Variants in SLC7A6 observed in about 807,000 individuals in gnomAD.
The protein encoded by SLC7A6 is Y+L amino acid transporter 2.
In SLC7A6, 29 loss-of-function variants were observed where a neutral mutation model predicts 46.6. The ratio of observed to expected loss-of-function variants is 0.62; its 90% confidence interval spans 0.46 to 0.85. The LOEUF (loss-of-function observed/expected upper bound fraction) is 0.85, where lower values mean the gene tolerates loss of function less well. SLC7A6 is among the 40% of genes least tolerant of loss of function. The pLI is 0.00. For synonymous variants in SLC7A6, 276 were observed against 257.3 expected, an observed-to-expected ratio of 1.07 and a Z score of -0.70; for missense variants, 527 against 647.6, an observed-to-expected ratio of 0.81 and a Z score of 2.02.
chr16:68,299,512 A>G lies in SLC7A6; in HGVS notation c.*2184A>G, dbSNP rs2043232556. The G allele has an allele frequency of 6.6e-6, 1 of 152,582 alleles. No homozygotes were observed. The allele number at this position is 152,582 out of a possible 1,614,324, so 9.5% of individuals were successfully genotyped here. A position where few individuals can be genotyped will look rare whatever the true frequency, so the allele number is the denominator to read the frequency against. ...TACAGCACTCAAGCTTCATGGTGGA[A>G]TTAATTTCTGCCAGCTCTTTGTTGT... On this transcript the variant is annotated 3_prime_UTR_variant, in exon 11 of 11. Coordinates refer to ENST00000219343, the MANE Select transcript of SLC7A6 (RefSeq NM_003983.6).
intron 3 of SLC7A6, among the ~76,000 whole-genome samples, chr16:68,280,866 T>C (rs1362450650): frequency 1.3e-5 from 2 of 152,198 alleles, no homozygotes; most frequent in African/African-American, 4.8e-5. Flanking sequence ...TCCTGAGTGC[T>C]GGGACAACAG....
In SLC7A6 at chr16:68,300,849, T is replaced by C. The variant is rs2043257925; in HGVS notation, c.*3521T>C. ...ACCCACTGGTACCCCTTTTAGATTCTATCAAAAGGAACAGGGTTTTCCTAG... is the reference window on the plus strand; with the variant it reads ...ACCCACTGGTACCCCTTTTAGATTCCATCAAAAGGAACAGGGTTTTCCTAG... On this transcript the variant is annotated 3_prime_UTR_variant, in exon 11 of 11. Coordinates refer to ENST00000219343, the MANE Select transcript of SLC7A6 (RefSeq NM_003983.6). 1.0e-6 allele frequency: 1 copy of C among 987,432 alleles called. No individual in the cohort carries two copies. 61.2% of individuals were successfully genotyped at this position (987,432 alleles called of 1,614,324 possible).
rs1412637207 is a variant in SLC7A6 at position 68,274,849 on chromosome 16, G to A, written c.123G>A (p.Leu41=). The change falls in exon 3 of 11, where the codon CTG becomes CTA. Residue 41 remains leucine, a synonymous_variant. Transcript: ENST00000219343. ...PPQRSSETMQ[L]KKEISLLNGV... ...AAAGGTCCTCCGAAACTATGCAGCT[G>A]AAGAAGGAGATCTCCCTGCTGAATG... 6.2e-7 allele frequency: 1 copy of A among 1,614,224 alleles called. No homozygotes were observed. The highest frequency in any genetic ancestry group is 8.5e-7 in the Non-Finnish European group (1 of 1,180,034).
intron 5 of SLC7A6, chr16:68,290,814 G>A: frequency 2.0e-6 from 1 of 508,330 alleles, no homozygotes; most frequent in Non-Finnish European, 3.6e-6. Context: ...CTGGGGCAAA[G>A]GAATTAGGAC....
chr16:68,290,729 CCT>C (rs1190815995), intron 5 of SLC7A6, 189 bp downstream of exon 5: 2 of 681,894 alleles, frequency 2.9e-6, no homozygotes, highest in African/African-American at 1.8e-5. Context: ...CCTTCGGCTC[CCT>C]GTCCTCACGT....
intron 4 of SLC7A6, among the ~76,000 whole-genome samples, chr16:68,288,133 A>C (rs55869815): frequency 0.02 from 3,023 of 152,266 alleles, 37 homozygotes; most frequent in Non-Finnish European, 0.031. Flanking sequence ...CCAAGGGCCT[A>C]GGAGCTCCTG....
At chr16:68,294,562 A>C in intron 7 of SLC7A6, 143 bp from the exon 8 acceptor site, 1 of 663,288 alleles carries the variant, frequency 1.5e-6, no homozygotes, top group South Asian at 1.7e-5. Flanking sequence ...TGGACTGGTG[A>C]TGCACTAAGG....
rs923159032 is a variant in SLC7A6 at position 68,275,702 on chromosome 16, T to G, written c.523+453T>G. Among the ~76,000 whole-genome samples the G allele has an allele frequency of 2.2e-4, 34 of 152,048 alleles. 1 individual carries two copies. The highest frequency in any genetic ancestry group is 7.2e-4 in the African/African-American group (30 of 41,392). On this transcript the variant is annotated intron_variant, in intron 3 of 10. Coordinates refer to ENST00000219343, the MANE Select transcript of SLC7A6 (RefSeq NM_003983.6). Reference sequence around the variant, plus strand: ...TTTGAGGAAGTAATTTTACCAGTCATTTGGTCCTGAGAGATAAGTAAGCAT... The same window carrying G: ...TTTGAGGAAGTAATTTTACCAGTCAGTTGGTCCTGAGAGATAAGTAAGCAT...
Position 68,274,751 on chromosome 16 carries a change from C to T in SLC7A6, c.25C>T (p.Pro9Ser). Residue 9 changes from proline to serine, a missense_variant, in exon 3 of 11, where the codon CCC (proline) becomes TCC (serine). Physicochemically the swap from Pro to Ser is moderately conservative, Grantham distance 74. Transcript: ENST00000219343. Reference protein sequence around the residue: MEAREPGRPTPTYHLVPNT... With the variant: MEAREPGRSTPTYHLVPNT... ...CATGGAAGCCAGGGAGCCTGGGAGGCCCACACCCACCTACCATCTTGTCCC... is the reference window on the plus strand; with the variant it reads ...CATGGAAGCCAGGGAGCCTGGGAGGTCCACACCCACCTACCATCTTGTCCC... The T allele has an allele frequency of 6.2e-7, 1 of 1,614,122 alleles. No homozygotes were observed. The highest frequency in any genetic ancestry group is 8.5e-7 in the Non-Finnish European group (1 of 1,180,006).
intron 2 of SLC7A6, among the ~76,000 whole-genome samples, chr16:68,267,609 G>T (rs571343009): frequency 1.3e-5 from 2 of 152,262 alleles, no homozygotes; most frequent in East Asian, 3.9e-4. Context: ...AGATTTTGAT[G>T]TATTTCTCTG....
chr16:68,292,014 TC>T (rs141786240), intron 7 of SLC7A6: 5,570 of 240,506 alleles, frequency 0.023, 241 homozygotes, highest in African/African-American at 0.093. Context: ...AGCTCATGTT[TC>T]CATCTGAGAT....
chr16:68,274,526 C>T (rs1380748549), intron 2 of SLC7A6, among the ~76,000 whole-genome samples, 165 bp from the exon 3 acceptor site: 1 of 152,224 alleles, frequency 6.6e-6, no homozygotes, highest in African/African-American at 2.4e-5. Flanking sequence ...GGTCTACCCA[C>T]TTCTATTTCC....
At position 68,300,456 on chromosome 16, in the gene SLC7A6, G is replaced by C. The variant is rs1156678433; in HGVS notation, c.*3128G>C. The C allele has an allele frequency of 4.6e-6, 1 of 219,480 alleles. No homozygotes were observed. The highest frequency in any genetic ancestry group is 7.7e-6 in the Non-Finnish European group (1 of 129,828). 13.6% of individuals were successfully genotyped at this position (219,480 alleles called of 1,614,324 possible). ...GTTTTTGTGGTGGGTGCTGTGAAGA[G>C]TAAACATTACTCAGTGGAAAGCTAA... On this transcript the variant is annotated 3_prime_UTR_variant, in exon 11 of 11. Transcript: ENST00000219343.
chr16:68,297,551 A>C lies in SLC7A6; in HGVS notation c.*223A>C, dbSNP rs2043195277. The C allele has an allele frequency of 2.4e-4, 53 of 220,528 alleles. No homozygotes were observed. Among genetic ancestry groups the C allele is most frequent in the East Asian group, 1.1e-3 (7 of 6,496 alleles). 13.7% of individuals were successfully genotyped at this position (220,528 alleles called of 1,614,324 possible). A position where few individuals can be genotyped will look rare whatever the true frequency, so the allele number is the denominator to read the frequency against. ...CAGAGGGTGGGGGGAAGATTGGGGA[A>C]CGGGGGGAATGGTCATTTAGTTTTA... On this transcript the variant is annotated 3_prime_UTR_variant, in exon 11 of 11. Coordinates refer to ENST00000219343, the MANE Select transcript of SLC7A6 (RefSeq NM_003983.6).
intron 8 of SLC7A6, 42 bp from the exon 9 acceptor site, chr16:68,296,322 G>A: frequency 1.2e-6 from 2 of 1,611,324 alleles, no homozygotes; most frequent in Non-Finnish European, 1.7e-6. Context: ...GGGGGCGCAG[G>A]TGGTGACGAT....
rs760937390 is a variant in SLC7A6, at chr16:68,297,467, A to C, written c.*139A>C. ...ATAGTGGGGCTCAGGGCCAGTGCTC[A>C]CTCTTATTGGTAAGCTATAGGAGAC... On this transcript the variant is annotated 3_prime_UTR_variant, in exon 11 of 11. Transcript: ENST00000219343. The C allele has an allele frequency of 1.7e-6, 1 of 605,966 alleles. No homozygotes were observed. Among genetic ancestry groups the C allele is most frequent in the Non-Finnish European group, 2.8e-6 (1 of 363,068 alleles). 37.5% of individuals were successfully genotyped at this position (605,966 alleles called of 1,614,324 possible).
At chr16:68,292,297 A>C (rs6499165) in intron 7 of SLC7A6, 121,059 of 152,182 alleles carry the variant, frequency 0.8, 48,892 homozygotes, top group African/African-American at 0.95. Flanking sequence ...CCTGTTGTTG[A>C]AGAGGAAGGA....
chr16:68,286,450 G>A (rs2151224851), intron 3 of SLC7A6, among the ~76,000 whole-genome samples: 1 of 152,322 alleles, frequency 6.6e-6, no homozygotes, highest in Non-Finnish European at 1.5e-5. Flanking sequence ...ACGAGTAAGA[G>A]AGAGAGTCTG....
rs1165671231 is a variant in SLC7A6 at position 68,286,091 on chromosome 16, CAAAAAA to C, written c.524-1637_524-1632del. The stretch of plus-strand genomic sequence containing the variant: ...TGGGTGACAGAGCAAGACCCTGTCT[CAAAAAA>C]AAAAAAAAAAAAAAAAAGAAGGAAA... On this transcript the variant is annotated intron_variant, in intron 3 of 10. Coordinates refer to ENST00000219343, the MANE Select transcript of SLC7A6 (RefSeq NM_003983.6). Among the ~76,000 whole-genome samples, 6 of 44,228 alleles carry C rather than the reference CAAAAAA, an allele frequency of 1.4e-4. No individual in the cohort carries two copies. The East Asian group carries it at 3.6e-3, about 26-fold the overall frequency. 29.0% of individuals were successfully genotyped at this position (44,228 alleles called of 152,430 possible). A position where few individuals can be genotyped will look rare whatever the true frequency, so the allele number is the denominator to read the frequency against.
Sources: allele counts gnomAD v4.1 joint callset (sites outside exome capture counted in the v4.1 genomes callset), GRCh38; gene constraint gnomAD v4.1.1; transcripts MANE v1.5; gene names NCBI Gene and HGNC (gene_info 2026-07-23, HGNC 2026-07-21).